Variants in GLB1 observed in about 807,000 individuals in gnomAD.
The protein encoded by GLB1 is beta-galactosidase.
In GLB1, 56 loss-of-function variants were observed where a neutral mutation model predicts 74.0. The observed-to-expected ratio is 0.76, with a 90% CI of 0.61 to 0.94. The LOEUF (loss-of-function observed/expected upper bound fraction) is 0.94. Ranked by LOEUF, GLB1 falls within the 40% of genes least tolerant of loss-of-function variation. The probability of loss-of-function intolerance (pLI) is 0.00; values close to 1 mark genes in which losing one functional copy is unlikely to be tolerated. For missense variants in GLB1, 787 were observed against 845.5 expected (o/e 0.93, Z 0.86); for synonymous variants, 323 against 323.6 (o/e 1.00, Z 0.02).
the GLB1 span, among the ~76,000 whole-genome samples, chr3:32,988,597 C>A: frequency 6.6e-6 from 1 of 152,184 alleles, no homozygotes; most frequent in African/African-American, 2.4e-5. Flanking sequence ...GAAAACCAGA[C>A]AGTTAATCTC....
chr3:32,973,447 C>T, the GLB1 span, among the ~76,000 whole-genome samples: 1 of 152,036 alleles, frequency 6.6e-6, no homozygotes, highest in African/African-American at 2.4e-5. Flanking sequence ...AATTCTCATG[C>T]CTCAGCCTCC....
At chr3:32,965,081 C>A in the GLB1 span, among the ~76,000 whole-genome samples, 2 of 152,144 alleles carry the variant, frequency 1.3e-5, no homozygotes, top group Non-Finnish European at 2.9e-5. Context: ...TATAAATTAC[C>A]CAGTCTCAGG....
At position 33,040,851 on chromosome 3, in the gene GLB1, G is replaced by T. The variant is rs145208576; in HGVS notation, c.1068+5269C>A. ...ATGTATACATAAGGAAAAAGCAAGA[G>T]AATTTAAAAATGGCTGAGTAAAATT... On this transcript the variant is annotated intron_variant, in intron 10 of 15. Transcript: ENST00000307363. Among the ~76,000 whole-genome samples the T allele has an allele frequency of 9.6e-4, 146 of 152,122 alleles. 1 individual carries two copies. Among genetic ancestry groups the T allele is most frequent in the Admixed American group, 2.6e-3 (40 of 15,282 alleles).
chr3:32,970,480 C>A, the GLB1 span, among the ~76,000 whole-genome samples: 1 of 152,094 alleles, frequency 6.6e-6, no homozygotes, highest in Non-Finnish European at 1.5e-5. Context: ...GCAAAAGATG[C>A]ATGGCTAGGT....
chr3:32,962,055 A>C, the GLB1 span, among the ~76,000 whole-genome samples: 7 of 152,156 alleles, frequency 4.6e-5, no homozygotes, highest in African/African-American at 1.7e-4. Context: ...TTAGCTGGGC[A>C]TGGTGGTGCG....
chr3:33,039,282 T>C (rs1575437441), intron 10 of GLB1, among the ~76,000 whole-genome samples: 1 of 104,176 alleles, frequency 9.6e-6, no homozygotes, highest in Non-Finnish European at 1.8e-5. Context: ...AGAGCAAGAC[T>C]CTGTCTCAAA....
chr3:33,031,675 A>ATATATATATATAT (rs1698048432), intron 10 of GLB1, among the ~76,000 whole-genome samples: 21 of 128,302 alleles, frequency 1.6e-4, no homozygotes, highest in Admixed American at 3.3e-4. Context: ...ATATATATAT[A>ATATATATATATAT]ATCTCCACTA....
In GLB1 at chr3:32,997,134, T is replaced by G; in HGVS notation, c.1945A>C (p.Thr649Pro). ...ACAGGTTTGGAGGGATGATCGTAGGTCACAGATGAGCCAATAACTGGCCTG... is the reference window on the plus strand; with the variant it reads ...ACAGGTTTGGAGGGATGATCGTAGGGCACAGATGAGCCAATAACTGGCCTG... The part of the protein sequence containing the change: ...VDRPVIGSSV[T>P]YDHPSKPVEK... The change falls in exon 16 of 16, where the codon ACC becomes CCC. Residue 649 changes from threonine to proline, a missense_variant. Physicochemically the swap from Thr to Pro is conservative, Grantham distance 38 (BLOSUM62 -1). Transcript: ENST00000307363. 1 of 1,614,032 alleles carries G rather than the reference T, an allele frequency of 6.2e-7. No homozygotes were observed. Among genetic ancestry groups the G allele is most frequent in the Non-Finnish European group, 8.5e-7 (1 of 1,180,018 alleles).
chr3:32,994,920 C>CAAAA (rs56169200), downstream of GLB1, among the ~76,000 whole-genome samples: 4 of 115,678 alleles, frequency 3.5e-5, no homozygotes, highest in Non-Finnish European at 5.4e-5. Flanking sequence ...GACTCTGTTT[C>CAAAA]AAAAAAAAAA....
At chr3:32,984,309 AG>A in the GLB1 span, among the ~76,000 whole-genome samples, 3 of 151,956 alleles carry the variant, frequency 2.0e-5, no homozygotes, top group African/African-American at 4.8e-5. Flanking sequence ...GGCGTTGCTC[AG>A]GGGGGAATTC....
chr3:33,066,239 T>C (rs911924403), intron 4 of GLB1, among the ~76,000 whole-genome samples: 1 of 152,160 alleles, frequency 6.6e-6, no homozygotes, highest in Non-Finnish European at 1.5e-5. Context: ...GTGGTAGTAT[T>C]GAGAGGTGGG....
At chr3:32,988,554 T>C in the GLB1 span, among the ~76,000 whole-genome samples, 2 of 152,210 alleles carry the variant, frequency 1.3e-5, no homozygotes, top group African/African-American at 4.8e-5. Flanking sequence ...TCCTAGCTAT[T>C]AAGAGGCAAA....
downstream of GLB1, among the ~76,000 whole-genome samples, chr3:32,995,967 T>C (rs1312074471): frequency 6.6e-6 from 1 of 152,210 alleles, no homozygotes; most frequent in Non-Finnish European, 1.5e-5. Flanking sequence ...TTTTAAGTTA[T>C]TCCTAACCTT....
At chr3:33,050,041 C>T (rs1698911383) in intron 9 of GLB1, among the ~76,000 whole-genome samples, 1 of 152,102 alleles carries the variant, frequency 6.6e-6, no homozygotes, top group South Asian at 2.1e-4. Context: ...TGGGCATCCT[C>T]CATGATTCAG....
intron 10 of GLB1, among the ~76,000 whole-genome samples, chr3:33,025,095 A>G (rs1376877186): frequency 6.6e-6 from 1 of 152,058 alleles, no homozygotes; most frequent in African/African-American, 2.4e-5. Flanking sequence ...ACAAGCATGC[A>G]CCACCACACC....
chr3:32,980,107 A>G, the GLB1 span, among the ~76,000 whole-genome samples: 1 of 152,214 alleles, frequency 6.6e-6, no homozygotes, highest in South Asian at 2.1e-4. Context: ...GAAATATTCA[A>G]TACATTATTG....
intron 1 of GLB1, among the ~76,000 whole-genome samples, chr3:33,088,548 C>G (rs1387729180): frequency 2.0e-5 from 3 of 151,904 alleles, no homozygotes; most frequent in African/African-American, 7.3e-5. Context: ...ATAAAAGCAT[C>G]AAAAAGAATA....
At chr3:33,020,046 C>G (rs1697403277) in intron 12 of GLB1, among the ~76,000 whole-genome samples, 1 of 152,158 alleles carries the variant, frequency 6.6e-6, no homozygotes, top group South Asian at 2.1e-4. Context: ...CTGGAACTCC[C>G]TCCCCAGGCT....
At chr3:33,082,154 C>A (rs1300933049) in intron 1 of GLB1, among the ~76,000 whole-genome samples, 1 of 152,244 alleles carries the variant, frequency 6.6e-6, no homozygotes, top group Non-Finnish European at 1.5e-5. Flanking sequence ...GACATGGTAG[C>A]ACCAGGGAAC....
Sources: allele counts gnomAD v4.1 joint callset (sites outside exome capture counted in the v4.1 genomes callset), GRCh38; gene constraint gnomAD v4.1.1; transcripts MANE v1.5; gene names NCBI Gene and HGNC (gene_info 2026-07-23, HGNC 2026-07-21).